Variants in PTCD2 observed in about 807,000 individuals in gnomAD.
PTCD2 encodes the protein pentatricopeptide repeat-containing protein 2, mitochondrial.
PTCD2 carries 31 observed loss-of-function variants against 42.6 expected under a neutral mutation model. The observed-to-expected ratio is 0.73, with a 90% CI of 0.55 to 0.98. The LOEUF (loss-of-function observed/expected upper bound fraction) is 0.98. Ranked by LOEUF, PTCD2 falls within the 50% of genes least tolerant of loss-of-function variation. The pLI is 0.00. For synonymous variants in PTCD2, 183 were observed against 170.9 expected (o/e 1.07, Z -0.55); for missense variants, 476 against 454.8 (o/e 1.05, Z -0.42).
chr5:72,331,367 A>G lies in PTCD2; in HGVS notation c.460A>G (p.Lys154Glu). The G allele has an allele frequency of 5.0e-6, 8 of 1,604,582 alleles. No individual in the cohort carries two copies. Among genetic ancestry groups the G allele is most frequent in the Non-Finnish European group, 6.0e-6 (7 of 1,171,262 alleles). ...CGAGGAATCTGCAGTGGAGCTCATG[A>G]AAGACCAGGTTATTGTTTCCTAATT... is the stretch of plus-strand genomic sequence containing the variant. ...DLEESAVELM[K>E]DQHLRGFFSD... The change falls in exon 4 of 10, where the codon AAA becomes GAA. Residue 154 changes from lysine to glutamate, a missense_variant. Transcript: ENST00000380639.
In PTCD2 at chr5:72,320,529, A is replaced by C. The variant is rs779773127; in HGVS notation, c.127+20A>C. The stretch of plus-strand genomic sequence containing the variant: ...TCGGAGGTATCCGCGGCTTTAGCCT[A>C]GGGAAGGAGGGGAGGGATGGGAGAG... On this transcript the variant is annotated intron_variant, in intron 1 of 9. Coordinates refer to ENST00000380639, the MANE Select transcript of PTCD2 (RefSeq NM_024754.5). 6.2e-7 allele frequency: 1 copy of C among 1,613,026 alleles called. No homozygotes were observed. The highest frequency in any genetic ancestry group is 1.1e-5 in the South Asian group (1 of 91,074).
In PTCD2 at chr5:72,352,762, T is replaced by A. The variant is rs773240489; in HGVS notation, c.942+8T>A. ...GTGTTCTCGGAGGAAGTGGTGAGTA[T>A]GCAAGTGCTGCAGAAATCATTTAAA... On this transcript the variant is annotated splice_region_variant and intron_variant, in intron 9 of 9. Coordinates refer to ENST00000380639, the MANE Select transcript of PTCD2 (RefSeq NM_024754.5). 1.6e-6 allele frequency: 2 copies of A among 1,290,198 alleles called. No homozygotes were observed. The highest frequency in any genetic ancestry group is 2.9e-5 in the African/African-American group (2 of 68,170). The allele number at this position is 1,290,198 out of a possible 1,614,324, so 79.9% of individuals were successfully genotyped here. A position where few individuals can be genotyped will look rare whatever the true frequency, so the allele number is the denominator to read the frequency against.
chr5:72,330,416 A>G (rs1305965925), intron 3 of PTCD2, among the ~76,000 whole-genome samples: 1 of 152,136 alleles, frequency 6.6e-6, no homozygotes, highest in Non-Finnish European at 1.5e-5. Flanking sequence ...GCTTCTCCCC[A>G]AGGTATTTTA....
At chr5:72,341,323 C>T (rs577726207) in intron 7 of PTCD2, among the ~76,000 whole-genome samples, 1 of 152,202 alleles carries the variant, frequency 6.6e-6, no homozygotes, top group South Asian at 2.1e-4. Context: ...GGATTACAGG[C>T]GTGAGCCACT....
intron 8 of PTCD2, among the ~76,000 whole-genome samples, chr5:72,345,660 C>T (rs944438667): frequency 2.0e-5 from 3 of 152,186 alleles, no homozygotes; most frequent in Non-Finnish European, 2.9e-5. Flanking sequence ...TTTTCTTCTG[C>T]CATGGCTTCA....
At chr5:72,334,431 A>G (rs1751617593) in intron 4 of PTCD2, among the ~76,000 whole-genome samples, 1 of 152,208 alleles carries the variant, frequency 6.6e-6, no homozygotes, top group South Asian at 2.1e-4. Context: ...CTTTTCTCCT[A>G]AGCATGACAA....
chr5:72,358,210 AAGTG>A lies in PTCD2; in HGVS notation c.953_956del (p.Val318GlyfsTer4). 6.2e-7 allele frequency: 1 copy of A among 1,613,746 alleles called. No homozygotes were observed. Among genetic ancestry groups the A allele is most frequent in the South Asian group, 1.1e-5 (1 of 91,008 alleles). ...GTTCTTGCTTTTTTCCAGCTGGCCA[AAGTG>A]AGGGAAAAAGTGAAGGATGTGCCTG... On this transcript the variant is annotated frameshift_variant, in exon 10 of 10. Coordinates refer to ENST00000380639, the MANE Select transcript of PTCD2 (RefSeq NM_024754.5). LOFTEE classifies it low-confidence loss of function (END_TRUNC).
At chr5:72,356,422 A>G (rs1197653043) in intron 9 of PTCD2, among the ~76,000 whole-genome samples, 1 of 152,244 alleles carries the variant, frequency 6.6e-6, no homozygotes, top group Non-Finnish European at 1.5e-5. Context: ...GGATTGATTC[A>G]TATAACTCCA....
chr5:72,325,525 C>T lies in PTCD2; in HGVS notation c.221-1087C>T, dbSNP rs952745322. Among the ~76,000 whole-genome samples the T allele has an allele frequency of 1.2e-4, 19 of 152,304 alleles. No homozygotes were observed. The East Asian group carries it at 3.5e-3, about 28-fold the overall frequency. On this transcript the variant is annotated intron_variant, in intron 2 of 9. Coordinates refer to ENST00000380639, the MANE Select transcript of PTCD2 (RefSeq NM_024754.5). ...AGGGTCTCCATCAGAATGCAAGTGG[C>T]CGAGCTTAGATTTCAGCCCAGGTCC...
At chr5:72,355,850 C>T (rs1752852193) in intron 9 of PTCD2, among the ~76,000 whole-genome samples, 1 of 152,174 alleles carries the variant, frequency 6.6e-6, no homozygotes, top group Non-Finnish European at 1.5e-5. Context: ...CCTCATTTCT[C>T]CTGCCTCTCT....
At chr5:72,322,096 C>A in intron 1 of PTCD2, 76 bp from the exon 2 acceptor site, 1 of 748,354 alleles carries the variant, frequency 1.3e-6, no homozygotes, top group Admixed American at 2.0e-5. Context: ...TAGAGGTAAT[C>A]CAGCTCTATT....
At chr5:72,340,253 A>T (rs909794194) in intron 7 of PTCD2, among the ~76,000 whole-genome samples, 1 of 152,184 alleles carries the variant, frequency 6.6e-6, no homozygotes, top group African/African-American at 2.4e-5. Context: ...TAATATAAGT[A>T]ATGGTGAAAT....
At chr5:72,326,090 G>A (rs1751121427) in intron 2 of PTCD2, among the ~76,000 whole-genome samples, 1 of 152,240 alleles carries the variant, frequency 6.6e-6, no homozygotes, top group Non-Finnish European at 1.5e-5. Flanking sequence ...ATGAAAAAGA[G>A]GTGAAGTTGA....
In PTCD2 at chr5:72,323,728, G is replaced by A. The variant is rs545132741; in HGVS notation, c.220+1464G>A. 2.0e-5 allele frequency among the ~76,000 whole-genome samples: 3 copies of A among 152,272 alleles called. No individual in the cohort carries two copies. In the South Asian group the frequency reaches 6.2e-4, roughly 32 times the overall value. On this transcript the variant is annotated intron_variant, in intron 2 of 9. Coordinates refer to ENST00000380639, the MANE Select transcript of PTCD2 (RefSeq NM_024754.5). Reference sequence around the variant, plus strand: ...GCAGTTGGCACCATCATAGCTCGCTGCAGCCTCAAACTCTTGGATTCAAGC... The same window carrying A: ...GCAGTTGGCACCATCATAGCTCGCTACAGCCTCAAACTCTTGGATTCAAGC...
chr5:72,346,534 G>A (rs533023606), intron 8 of PTCD2, among the ~76,000 whole-genome samples: 2 of 152,192 alleles, frequency 1.3e-5, no homozygotes, highest in South Asian at 4.1e-4. Flanking sequence ...CTGAGCAGGT[G>A]GGTCAGCCTG....
chr5:72,360,009 G>A lies in PTCD2; in HGVS notation c.*1582G>A, dbSNP rs1258177575. 1 of 151,990 alleles carries A rather than the reference G, an allele frequency of 6.6e-6. No individual in the cohort carries two copies. The highest frequency in any genetic ancestry group is 1.9e-4 in the East Asian group (1 of 5,168). The allele number at this position is 151,990 out of a possible 1,614,324, so 9.4% of individuals were successfully genotyped here. ...AGGGAATATAAAGCAAGCAGATAGT[G>A]GCTGGCACATAGTACATGCAATATG... On this transcript the variant is annotated 3_prime_UTR_variant, in exon 10 of 10. Transcript: ENST00000380639.
At chr5:72,320,782 T>C in intron 1 of PTCD2, 1 of 452,662 alleles carries the variant, frequency 2.2e-6, no homozygotes. Flanking sequence ...GGAACATCCC[T>C]CCCGCCTTGG....
chr5:72,325,404 C>T (rs1751085799), intron 2 of PTCD2, among the ~76,000 whole-genome samples: 2 of 152,146 alleles, frequency 1.3e-5, no homozygotes, highest in African/African-American at 4.8e-5. Context: ...TGGCAGTTAC[C>T]GAATGACAAA....
chr5:72,324,143 C>G (rs1433252259), intron 2 of PTCD2, among the ~76,000 whole-genome samples: 1 of 152,154 alleles, frequency 6.6e-6, no homozygotes, highest in Non-Finnish European at 1.5e-5. Flanking sequence ...TATTTTAGAT[C>G]TATGTGAGGT....
Sources: gnomAD v4.1 joint callset for allele counts (sites outside exome capture counted in the v4.1 genomes callset) on GRCh38, gnomAD v4.1.1 for gene constraint, MANE v1.5 for transcripts, NCBI Gene and HGNC (gene_info 2026-07-23, HGNC 2026-07-21) for gene names.